AXL: variants seen among roughly 807,000 people sequenced by gnomAD.
AXL encodes the protein AXL receptor tyrosine kinase.
AXL carries 52 observed loss-of-function variants against 104.5 expected under a neutral mutation model. The ratio of observed to expected loss-of-function variants is 0.50; its 90% CI spans 0.40 to 0.63. AXL has a LOEUF of 0.63. Ranked by LOEUF, AXL falls within the 20% of genes least tolerant of loss-of-function variation. The pLI, the probability that AXL is intolerant of heterozygous loss-of-function variation, is 0.00. For missense variants in AXL, 1,024 were observed against 1,188.5 expected (o/e 0.86, Z 2.04); for synonymous variants, 455 against 473.7 (o/e 0.96, Z 0.51).
At chr19:41,239,067 A>G in intron 8 of AXL, 97 bp from the exon 9 acceptor site, 3 of 1,391,358 alleles carry the variant, frequency 2.2e-6, no homozygotes, top group Non-Finnish European at 3.0e-6. Flanking sequence ...GGATGGGGAG[A>G]GCGTTTTGAG....
Position 41,221,983 on chromosome 19 carries a change from A to C in AXL, c.513A>C (p.Leu171=), listed in dbSNP as rs2122199384. ...AGGGACCCCCAGAGCCCGTGGACCT[A>C]CTCTGGCTCCAGGATGCTGTCCCCC... The part of the protein sequence containing the change: ...QAQGPPEPVD[L]LWLQDAVPLA... The change falls in exon 4 of 20, where the codon CTA becomes CTC. Residue 171 remains leucine (L), a synonymous_variant. Coordinates refer to ENST00000301178, the MANE Select transcript of AXL (RefSeq NM_021913.5). 2 of 1,610,736 alleles carry C rather than the reference A, an allele frequency of 1.2e-6. No individual in the cohort carries two copies. The highest frequency in any genetic ancestry group is 3.4e-4 in the Middle Eastern group (2 of 5,892).
intron 10 of AXL, among the ~76,000 whole-genome samples, 188 bp from the exon 11 acceptor site, chr19:41,242,695 A>G (rs1000711745): frequency 3.9e-5 from 6 of 152,136 alleles, no homozygotes; most frequent in African/African-American, 1.4e-4. Flanking sequence ...CTGCACTTGT[A>G]TCACATCCAT....
At chr19:41,222,126 A>G in intron 4 of AXL, 70 bp downstream of exon 4, 2 of 1,388,354 alleles carry the variant, frequency 1.4e-6, no homozygotes, top group Non-Finnish European at 1.9e-6. Flanking sequence ...GCAAGGGAAC[A>G]TTGCTACCTC....
intron 4 of AXL, among the ~76,000 whole-genome samples, chr19:41,225,405 C>T (rs973322089): frequency 2.6e-5 from 4 of 152,266 alleles, no homozygotes; most frequent in East Asian, 1.9e-4. Context: ...GTGAGGTGTA[C>T]GCGTCGGTGT....
At chr19:41,240,615 G>A (rs1164343790) in intron 10 of AXL, among the ~76,000 whole-genome samples, 2 of 152,176 alleles carry the variant, frequency 1.3e-5, no homozygotes, top group Middle Eastern at 3.4e-3. Flanking sequence ...CAACCCACTA[G>A]CCTTCAATAC....
At chr19:41,258,965 C>T (rs763025794) in intron 19 of AXL, among the ~76,000 whole-genome samples, 1 of 152,162 alleles carries the variant, frequency 6.6e-6, no homozygotes, top group Non-Finnish European at 1.5e-5. Context: ...ACTCACATGG[C>T]TGTAGCAGGA....
At position 41,230,321 on chromosome 19, in the gene AXL, ATG is replaced by A. The variant is rs368082123; in HGVS notation, c.587-630_587-629del. On this transcript the variant is annotated intron_variant, in intron 4 of 19. Coordinates refer to ENST00000301178, the MANE Select transcript of AXL (RefSeq NM_021913.5). ...ATGTATCTCTCTCTGGGGTGTAAGA[ATG>A]TGTGTGTGTGTGTGTATGCGCCTGT... Among the ~76,000 whole-genome samples, 497 of 136,434 alleles carry A rather than the reference ATG, an allele frequency of 3.6e-3. 2 individuals are homozygous for A. The highest frequency in any genetic ancestry group is 9.0e-3 in the African/African-American group (330 of 36,726). The allele number at this position is 136,434 out of a possible 152,430, so 89.5% of individuals were successfully genotyped here. A position where few individuals can be genotyped will look rare whatever the true frequency, so the allele number is the denominator to read the frequency against.
intron 7 of AXL, 75 bp downstream of exon 7, chr19:41,238,229 C>A: frequency 1.3e-6 from 2 of 1,536,132 alleles, no homozygotes; most frequent in Non-Finnish European, 1.8e-6. Flanking sequence ...CCCCCATTGT[C>A]CCCTTTCACT....
At chr19:41,223,992 C>T (rs932058796) in intron 4 of AXL, among the ~76,000 whole-genome samples, 2 of 149,970 alleles carry the variant, frequency 1.3e-5, no homozygotes, top group Non-Finnish European at 3.0e-5. Context: ...GTGTGTGTGA[C>T]TAAATATATT....
intron 19 of AXL, among the ~76,000 whole-genome samples, chr19:41,258,667 C>T (rs925311039): frequency 2.0e-5 from 3 of 152,228 alleles, no homozygotes; most frequent in African/African-American, 7.2e-5. Context: ...CCACCCGTCC[C>T]AGCCTCCCAA....
chr19:41,231,217 C>G lies in AXL; in HGVS notation c.702C>G (p.Val234=), dbSNP rs987881778. 7.4e-6 allele frequency: 12 copies of G among 1,613,694 alleles called. No homozygotes were observed. Among genetic ancestry groups the G allele is most frequent in the Admixed American group, 1.7e-5 (1 of 59,958 alleles). ...LPQQPRNLHL[V]SRQPTELEVA... is the part of the protein sequence containing the mutation. ...AGCAGCCCCGTAACCTCCACCTGGT[C>G]TCCCGCCAACCCACGGAGCTGGAGG... The change falls in exon 6 of 20, where the codon GTC becomes GTG. Residue 234 remains valine, a synonymous_variant. Coordinates refer to ENST00000301178, the MANE Select transcript of AXL (RefSeq NM_021913.5).
chr19:41,224,993 GTTTT>G (rs772669055), intron 4 of AXL, among the ~76,000 whole-genome samples: 1 of 152,006 alleles, frequency 6.6e-6, no homozygotes, highest in Non-Finnish European at 1.5e-5. Flanking sequence ...ACGAAACTGT[GTTTT>G]TTTGTTTTTT....
intron 7 of AXL, 57 bp from the exon 8 acceptor site, chr19:41,238,413 G>C: frequency 6.3e-7 from 1 of 1,586,288 alleles, no homozygotes; most frequent in Non-Finnish European, 8.6e-7. Flanking sequence ...CCTGGGAACA[G>C]GGGAGGGGGT....
At chr19:41,221,452 T>C in intron 3 of AXL, 1 of 547,920 alleles carries the variant, frequency 1.8e-6, no homozygotes, top group East Asian at 3.1e-5. Flanking sequence ...GGCTGGGGGA[T>C]TATATGTTCT....
chr19:41,252,123 A>G (rs1050194669), intron 14 of AXL, among the ~76,000 whole-genome samples: 17 of 147,080 alleles, frequency 1.2e-4, no homozygotes, highest in Middle Eastern at 3.6e-3. Flanking sequence ...AAAAAAAAAA[A>G]AAAAAGAAAA....
At chr19:41,244,429 T>G (rs114500029) in intron 12 of AXL, among the ~76,000 whole-genome samples, 50 of 152,172 alleles carry the variant, frequency 3.3e-4, no homozygotes, top group African/African-American at 1.2e-3. Flanking sequence ...TACATGTATC[T>G]CCTCGTTTAA....
intron 3 of AXL, chr19:41,221,584 G>A (rs986716269): frequency 2.6e-5 from 13 of 497,790 alleles, no homozygotes; most frequent in African/African-American, 2.4e-4. Context: ...CTGTCCCCAC[G>A]ACCCCAGCGG....
intron 14 of AXL, among the ~76,000 whole-genome samples, chr19:41,250,635 G>A (rs2034346870): frequency 6.6e-6 from 1 of 152,142 alleles, no homozygotes; most frequent in Admixed American, 6.6e-5. Flanking sequence ...TAGAGACGGG[G>A]TTTCACCATG....
At chr19:41,238,411 C>A in intron 7 of AXL, 59 bp from the exon 8 acceptor site, 4 of 1,582,816 alleles carry the variant, frequency 2.5e-6, no homozygotes, top group Non-Finnish European at 3.4e-6. Context: ...TTCCTGGGAA[C>A]AGGGGAGGGG....
Sources: allele counts gnomAD v4.1 joint callset (sites outside exome capture counted in the v4.1 genomes callset), GRCh38; gene constraint gnomAD v4.1.1; transcripts MANE v1.5; gene names NCBI Gene and HGNC (gene_info 2026-07-23, HGNC 2026-07-21).